The following AKAP7 variants were observed in gnomAD, a reference collection of about 807,000 sequenced individuals.
AKAP7 encodes the protein A kinase (PRKA) anchor protein 7.
Under a neutral mutation model 39.5 loss-of-function variants are expected in AKAP7, and 39 were observed. The observed-to-expected ratio is 0.99, with a 90% CI of 0.76 to 1.29. The LOEUF is 1.29. AKAP7 is among the 50% of genes most tolerant of loss of function. The pLI, the probability that AKAP7 is intolerant of heterozygous loss-of-function variation, is 0.00. For missense variants in AKAP7, 414 were observed against 407.7 expected (o/e 1.02, Z -0.13); for synonymous variants, 140 against 139.1 (o/e 1.01, Z -0.05).
intron 5 of AKAP7, among the ~76,000 whole-genome samples, chr6:131,175,162 A>G (rs1804453770): frequency 1.3e-5 from 2 of 152,190 alleles, no homozygotes; most frequent in Non-Finnish European, 2.9e-5. Context: ...GGATGATCAT[A>G]AAGGTTTTCA....
the AKAP7 span, among the ~76,000 whole-genome samples, chr6:131,130,007 G>A: frequency 2.0e-5 from 3 of 152,186 alleles, no homozygotes; most frequent in Non-Finnish European, 4.4e-5. Context: ...CCTGAAGAGA[G>A]AACTCACCAT....
chr6:131,265,204 G>A (rs376766984), intron 7 of AKAP7, among the ~76,000 whole-genome samples: 1 of 151,950 alleles, frequency 6.6e-6, no homozygotes. Context: ...GTGCAATTTC[G>A]GCTCACTTTA....
intron 7 of AKAP7, among the ~76,000 whole-genome samples, chr6:131,240,220 C>T (rs904912584): frequency 3.9e-5 from 6 of 152,320 alleles, no homozygotes; most frequent in South Asian, 4.1e-4. Flanking sequence ...TGCAGAACAG[C>T]GGATATTGGT....
chr6:131,131,409 G>C (rs1800324508), upstream of AKAP7, among the ~76,000 whole-genome samples: 1 of 151,386 alleles, frequency 6.6e-6, no homozygotes, highest in Non-Finnish European at 1.5e-5. Flanking sequence ...GCAACAGGCT[G>C]TTTGCCAACA....
At chr6:131,133,668 T>C (rs1800376943), upstream of AKAP7, among the ~76,000 whole-genome samples, 1 of 152,228 alleles carries the variant, frequency 6.6e-6, no homozygotes, top group African/African-American at 2.4e-5. Flanking sequence ...ATCTTTCTCC[T>C]GCCCATTTAG....
At chr6:131,199,926 GCTTCCT>G (rs1807373345) in intron 6 of AKAP7, 2 of 253,476 alleles carry the variant, frequency 7.9e-6, no homozygotes, top group South Asian at 8.1e-5. Context: ...TGCTCTCAAA[GCTTCCT>G]CTGCTGGCCT....
intron 6 of AKAP7, among the ~76,000 whole-genome samples, chr6:131,212,756 T>C (rs370898840): frequency 6.6e-6 from 1 of 151,336 alleles, no homozygotes; most frequent in Non-Finnish European, 1.5e-5. Flanking sequence ...ATGTTGGGGG[T>C]TAGAATGAGG....
chr6:131,236,226 A>G (rs1281739074), intron 7 of AKAP7, among the ~76,000 whole-genome samples: 1 of 152,000 alleles, frequency 6.6e-6, no homozygotes, highest in East Asian at 1.9e-4. Context: ...GATATGCGGC[A>G]TTATTTCTGA....
At chr6:131,194,287 C>T (rs753004262) in intron 5 of AKAP7, among the ~76,000 whole-genome samples, 15 of 151,830 alleles carry the variant, frequency 9.9e-5, no homozygotes, top group Non-Finnish European at 1.9e-4. Context: ...TTTTAATTGG[C>T]CCATTGATTA....
intron 7 of AKAP7, among the ~76,000 whole-genome samples, chr6:131,260,963 G>A (rs1279347672): frequency 1.3e-5 from 2 of 152,096 alleles, no homozygotes; most frequent in Admixed American, 6.5e-5. Context: ...TTGGGAGGCC[G>A]AGGTGGGTGG....
Position 131,169,196 on chromosome 6 carries a change from T to G in AKAP7, c.512T>G (p.Ile171Ser). ...CATTTGACTTTGCCCTTTCAAGGGA[T>G]TGGTACTTTTGGAAATCAGGTTGGA... ...GKHLTLPFQG[I>S]GTFGNQVGFV... The change falls in exon 5 of 8, where the codon ATT becomes AGT. Residue 171 changes from isoleucine (I) to serine (S), a missense_variant. Ile to Ser is a moderately radical substitution (Grantham distance 142). Transcript: ENST00000431975. 6.2e-7 allele frequency: 1 copy of G among 1,614,092 alleles called. No individual in the cohort carries two copies. The highest frequency in any genetic ancestry group is 8.5e-7 in the Non-Finnish European group (1 of 1,179,976).
intron 7 of AKAP7, among the ~76,000 whole-genome samples, chr6:131,255,994 G>A (rs1812813395): frequency 6.6e-6 from 1 of 152,148 alleles, no homozygotes; most frequent in African/African-American, 2.4e-5. Flanking sequence ...TTAGAAAATA[G>A]ATGCTCCCTG....
At chr6:131,269,084 T>C (rs1440317363) in intron 7 of AKAP7, among the ~76,000 whole-genome samples, 1 of 152,052 alleles carries the variant, frequency 6.6e-6, no homozygotes, top group Non-Finnish European at 1.5e-5. Context: ...GGAAACAGAG[T>C]CTCACTCACT....
At chr6:131,151,992 A>C (rs1328543215) in intron 2 of AKAP7, among the ~76,000 whole-genome samples, 1 of 152,244 alleles carries the variant, frequency 6.6e-6, no homozygotes, top group Non-Finnish European at 1.5e-5. Flanking sequence ...GGGAATAAAT[A>C]GAACTTGAGA....
chr6:131,213,267 A>G (rs1808843068), intron 6 of AKAP7, among the ~76,000 whole-genome samples: 1 of 152,176 alleles, frequency 6.6e-6, no homozygotes, highest in South Asian at 2.1e-4. Flanking sequence ...TTTTTATACC[A>G]GTGAATTTTT....
chr6:131,281,813 T>C lies in AKAP7; in HGVS notation c.*87T>C. 1 of 1,363,948 alleles carries C rather than the reference T, an allele frequency of 7.3e-7. No homozygotes were observed. Among genetic ancestry groups the C allele is most frequent in the Middle Eastern group, 2.7e-4 (1 of 3,740 alleles). 84.5% of individuals were successfully genotyped at this position (1,363,948 alleles called of 1,614,324 possible). ...AGGGACTGACTTGCAGCGTGCTGTT[T>C]AAGTTAAGTTTCTCTGGTGCAATCT... On this transcript the variant is annotated 3_prime_UTR_variant, in exon 8 of 8. Transcript: ENST00000431975. This position sits in a 1 kb window ranked among gnomAD's most constrained non-coding sequence, Gnocchi z 4.0.
intron 4 of AKAP7, among the ~76,000 whole-genome samples, chr6:131,166,835 C>T (rs1425724354): frequency 2.6e-5 from 4 of 152,148 alleles, no homozygotes; most frequent in Non-Finnish European, 5.9e-5. Context: ...GTATGTTAGA[C>T]ATCTAGATTG....
intron 5 of AKAP7, among the ~76,000 whole-genome samples, chr6:131,179,798 G>C (rs554055682): frequency 2.6e-5 from 4 of 152,088 alleles, no homozygotes; most frequent in Non-Finnish European, 5.9e-5. Flanking sequence ...GAGTCTGGGA[G>C]GGCGAGGCTG....
At chr6:131,190,904 CTG>C (rs1336805106) in intron 5 of AKAP7, among the ~76,000 whole-genome samples, 1 of 152,278 alleles carries the variant, frequency 6.6e-6, no homozygotes, top group East Asian at 1.9e-4. Flanking sequence ...TCCCATGAGA[CTG>C]TAACCTCCCA....
Sources: gnomAD v4.1 joint callset for allele counts (sites outside exome capture counted in the v4.1 genomes callset) on GRCh38, gnomAD v4.1.1 for gene constraint, Gnocchi (gnomAD v3.1) non-coding constraint, MANE v1.5 for transcripts, NCBI Gene and HGNC (gene_info 2026-07-23, HGNC 2026-07-21) for gene names.